SLC14A2: variants seen among roughly 807,000 people sequenced by gnomAD.
SLC14A2 encodes the protein urea transporter 2.
Under a neutral mutation model 104.6 loss-of-function variants are expected in SLC14A2, and 91 were observed. That is an observed-to-expected ratio of 0.87 (90% CI 0.73 to 1.04). The LOEUF (loss-of-function observed/expected upper bound fraction) is 1.04, where lower values mean the gene tolerates loss of function less well. SLC14A2 is among the 50% of genes least tolerant of loss of function. The pLI is 0.00. For missense variants in SLC14A2, 1,189 were observed against 1,156.0 expected (o/e 1.03, Z -0.41); for synonymous variants, 476 against 466.4 (o/e 1.02, Z -0.27).
intron 1 of SLC14A2, among the ~76,000 whole-genome samples, chr18:45,441,999 G>A (rs2086689137): frequency 6.6e-6 from 1 of 152,158 alleles, no homozygotes; most frequent in South Asian, 2.1e-4. Context: ...GGGAGAACTG[G>A]CTGTCCTATT....
intron 1 of SLC14A2, among the ~76,000 whole-genome samples, chr18:45,382,922 A>G (rs1272951147): frequency 6.6e-6 from 1 of 152,236 alleles, no homozygotes; most frequent in Non-Finnish European, 1.5e-5. Context: ...AGTAGTTTTA[A>G]TCTCGAAGAA....
At chr18:45,651,406 G>A (rs927299613) in intron 10 of SLC14A2, among the ~76,000 whole-genome samples, 2 of 152,180 alleles carry the variant, frequency 1.3e-5, no homozygotes, top group Admixed American at 1.3e-4. Context: ...GCAGCCGTGT[G>A]TGTCTGCAGT....
chr18:45,176,713 T>C, the SLC14A2 span, among the ~76,000 whole-genome samples: 3 of 152,212 alleles, frequency 2.0e-5, no homozygotes, highest in African/African-American at 4.8e-5. Flanking sequence ...CTCTGCATTG[T>C]GGACTTTTCT....
intron 1 of SLC14A2, among the ~76,000 whole-genome samples, chr18:45,387,763 A>G (rs977152032): frequency 6.6e-6 from 1 of 152,200 alleles, no homozygotes; most frequent in Non-Finnish European, 1.5e-5. Flanking sequence ...ATGACAATCA[A>G]CTGAGAAGGA....
intron 1 of SLC14A2, among the ~76,000 whole-genome samples, chr18:45,466,538 T>C (rs376410174): frequency 3.4e-5 from 5 of 146,444 alleles, no homozygotes; most frequent in African/African-American, 1.3e-4. Flanking sequence ...TGTGGGATTG[T>C]GAAGTACAGA....
chr18:45,217,423 G>C (rs1414865909), intron 1 of SLC14A2, among the ~76,000 whole-genome samples: 1 of 151,866 alleles, frequency 6.6e-6, no homozygotes, highest in Non-Finnish European at 1.5e-5. Context: ...ATAGTTATGA[G>C]TGTGATTATA....
At chr18:45,619,364 G>A (rs1043481739) in intron 1 of SLC14A2, among the ~76,000 whole-genome samples, 11 of 152,242 alleles carry the variant, frequency 7.2e-5, no homozygotes, top group Non-Finnish European at 1.6e-4. Flanking sequence ...GCACTCGAAT[G>A]TGAGCCCTTT....
intron 1 of SLC14A2, among the ~76,000 whole-genome samples, chr18:45,475,649 A>T (rs1285179276): frequency 0.035 from 395 of 11,254 alleles, no homozygotes; most frequent in Non-Finnish European, 0.057. Flanking sequence ...TAGGATATAT[A>T]TATATATATA....
intron 1 of SLC14A2, among the ~76,000 whole-genome samples, chr18:45,322,726 C>T (rs953083501): frequency 1.2e-4 from 18 of 152,124 alleles, no homozygotes; most frequent in Non-Finnish European, 1.5e-4. Context: ...AGCAAAATAC[C>T]CTTCATCAAG....
intron 1 of SLC14A2, among the ~76,000 whole-genome samples, chr18:45,342,337 A>T (rs1599690278): frequency 6.6e-6 from 1 of 152,122 alleles, no homozygotes; most frequent in African/African-American, 2.4e-5. Context: ...GGCAGATAAG[A>T]AGAAGGGAAG....
intron 2 of SLC14A2, among the ~76,000 whole-genome samples, chr18:45,541,109 C>A (rs191868633): frequency 2.0e-5 from 3 of 152,148 alleles, no homozygotes; most frequent in Non-Finnish European, 2.9e-5. Flanking sequence ...GTCTAGGGAT[C>A]TAAGCCATTC....
At chr18:45,569,785 C>T (rs2044320868) in intron 2 of SLC14A2, among the ~76,000 whole-genome samples, 1 of 152,158 alleles carries the variant, frequency 6.6e-6, no homozygotes, top group East Asian at 1.9e-4. Flanking sequence ...GAGACACAGC[C>T]CTGGGAAGGG....
chr18:45,455,097 T>C (rs1392287197), intron 1 of SLC14A2, among the ~76,000 whole-genome samples: 1 of 152,162 alleles, frequency 6.6e-6, no homozygotes, highest in African/African-American at 2.4e-5. Flanking sequence ...CTATGGGCAG[T>C]ATGGCCATTT....
At chr18:45,361,569 G>A (rs2085611444) in intron 1 of SLC14A2, among the ~76,000 whole-genome samples, 1 of 152,138 alleles carries the variant, frequency 6.6e-6, no homozygotes, top group South Asian at 2.1e-4. Flanking sequence ...AAACTTCTGG[G>A]CTTGGCAGAA....
intron 1 of SLC14A2, among the ~76,000 whole-genome samples, chr18:45,454,519 T>G (rs2086909986): frequency 6.6e-6 from 1 of 152,196 alleles, no homozygotes; most frequent in Admixed American, 6.5e-5. Context: ...TTAGATCCCA[T>G]TTGTCAATTT....
At chr18:45,476,274 A>T (rs1354967744) in intron 1 of SLC14A2, among the ~76,000 whole-genome samples, 1 of 152,132 alleles carries the variant, frequency 6.6e-6, no homozygotes, top group Non-Finnish European at 1.5e-5. Context: ...TCTGGATTGA[A>T]AACTCTTTGT....
intron 1 of SLC14A2, among the ~76,000 whole-genome samples, chr18:45,251,818 AAGGCT>A (rs2144077570): frequency 6.6e-6 from 1 of 152,338 alleles, no homozygotes; most frequent in East Asian, 1.9e-4. Context: ...GTCCTGGGGT[AAGGCT>A]TCAACATATG....
chr18:45,621,021 T>C (rs776487623), intron 1 of SLC14A2, among the ~76,000 whole-genome samples: 22 of 152,234 alleles, frequency 1.4e-4, no homozygotes, highest in Non-Finnish European at 2.5e-4. Flanking sequence ...TTCCGGAACA[T>C]ATCTAGTTCA....
chr18:45,540,893 T>A, intron 2 of SLC14A2, among the ~76,000 whole-genome samples: 1 of 152,186 alleles, frequency 6.6e-6, no homozygotes, highest in East Asian at 1.9e-4. Flanking sequence ...CCCTCGCCCT[T>A]AAGAAGCTAA....
Sources: gnomAD v4.1 joint callset for allele counts (sites outside exome capture counted in the v4.1 genomes callset) on GRCh38, gnomAD v4.1.1 for gene constraint, MANE v1.5 for transcripts, NCBI Gene and HGNC (gene_info 2026-07-23, HGNC 2026-07-21) for gene names.